Variants in SLC43A3 observed in about 807,000 individuals in gnomAD.
The protein encoded by SLC43A3 is equilibrative nucleobase transporter 1.
In SLC43A3, 33 loss-of-function variants were observed where a neutral mutation model predicts 53.3. The ratio of observed to expected loss-of-function variants is 0.62; its 90% CI spans 0.47 to 0.83. The LOEUF (loss-of-function observed/expected upper bound fraction) is 0.83, where lower values mean the gene tolerates loss of function less well. Among genes scored for constraint, SLC43A3 ranks in the 40% least tolerant of loss-of-function variants. The pLI, the probability that SLC43A3 is intolerant of heterozygous loss-of-function variation, is 0.00. For missense variants in SLC43A3, 530 were observed against 610.0 expected (o/e 0.87, Z 1.38); for synonymous variants, 236 against 246.2 (o/e 0.96, Z 0.39).
intron 13 of SLC43A3, chr11:57,408,763 T>C (rs921898889): frequency 1.7e-5 from 3 of 172,946 alleles, no homozygotes; most frequent in Admixed American, 1.6e-4. Flanking sequence ...TGAGCCTCAG[T>C]TTCTGCAAAG....
At chr11:57,415,155 G>C (rs1045794880) in intron 9 of SLC43A3, 49 bp from the exon 10 acceptor site, 1 of 1,585,948 alleles carries the variant, frequency 6.3e-7, no homozygotes, top group Non-Finnish European at 8.6e-7. Flanking sequence ...AAAGTGGACA[G>C]GTAGGATGGG....
intron 5 of SLC43A3, among the ~76,000 whole-genome samples, chr11:57,423,487 G>A (rs1284832000): frequency 1.3e-5 from 2 of 152,150 alleles, no homozygotes; most frequent in Non-Finnish European, 2.9e-5. Flanking sequence ...GGAGTGCAAT[G>A]GTGTGATCTT....
At chr11:57,424,596 T>G in intron 4 of SLC43A3, among the ~76,000 whole-genome samples, 1 of 149,310 alleles carries the variant, frequency 6.7e-6, no homozygotes, top group Non-Finnish European at 1.5e-5. Context: ...CATTTGGGGG[T>G]CTTGTAAGGC....
chr11:57,408,237 T>G (rs1044091072), intron 13 of SLC43A3: 3 of 212,136 alleles, frequency 1.4e-5, no homozygotes, highest in African/African-American at 6.9e-5. Flanking sequence ...TCACCTGATG[T>G]CACAATCAAG....
Position 57,426,070 on chromosome 11 carries a change from A to C in SLC43A3, c.103T>G (p.Phe35Val), listed in dbSNP as rs772132833. The change falls in exon 3 of 14, where the codon TTT (phenylalanine) becomes GTT (valine). Residue 35 changes from phenylalanine (F) to valine (V), a missense_variant. Phe to Val is a conservative substitution (Grantham distance 50, BLOSUM62 -1). This residue lies in a region of SLC43A3 where 30 missense variants were observed against 57.0 expected (regional missense o/e 0.53). Transcript: ENST00000395124. ...GVLFGWPSLVFVFKNEDYFKD... is the reference protein window; with the variant it reads ...GVLFGWPSLVVVFKNEDYFKD... Reference sequence around the variant, plus strand: ...AAGTAATCTTCATTCTTGAAGACAAACACTAGTGAAGGCCAGCCAAAGAGG... The same window carrying C: ...AAGTAATCTTCATTCTTGAAGACAACCACTAGTGAAGGCCAGCCAAAGAGG... The C allele has an allele frequency of 8.1e-6, 13 of 1,614,126 alleles. No homozygotes were observed. In the Admixed American group the frequency reaches 2.2e-4, roughly 27 times the overall value.
rs1942271851 is a variant in SLC43A3, at chr11:57,407,906, GAGC to G, written c.1372-13_1372-11del. 1 of 1,564,350 alleles carries G rather than the reference GAGC, an allele frequency of 6.4e-7. No individual in the cohort carries two copies. Among genetic ancestry groups the G allele is most frequent in the African/African-American group, 1.4e-5 (1 of 73,980 alleles). ...TGAACATCACATTCACCTGCAGGGAGAGCAGAAGTGAGGTGAAATCCAGGAATT... is the reference window on the plus strand; with the variant it reads ...TGAACATCACATTCACCTGCAGGGAGAGAAGTGAGGTGAAATCCAGGAATT... On this transcript the variant is annotated splice_polypyrimidine_tract_variant and intron_variant, in intron 13 of 13. Coordinates refer to ENST00000395124, the MANE Select transcript of SLC43A3 (RefSeq NM_199329.3).
chr11:57,418,338 TA>T (rs150075341), intron 7 of SLC43A3, among the ~76,000 whole-genome samples: 2,077 of 121,938 alleles, frequency 0.017, 44 homozygotes, highest in African/African-American at 0.052. Flanking sequence ...TGCCTCCAAA[TA>T]AAAAAAAAAA....
chr11:57,426,937 G>A (rs1943221206), intron 1 of SLC43A3, 125 bp downstream of exon 1: 1 of 151,216 alleles, frequency 6.6e-6, no homozygotes, highest in Non-Finnish European at 1.5e-5. Context: ...AAGCCTCCGG[G>A]GGCCGCTCCC....
chr11:57,425,878 C>T, intron 3 of SLC43A3, 111 bp downstream of exon 3: 1 of 1,358,312 alleles, frequency 7.4e-7, no homozygotes, highest in Non-Finnish European at 1.0e-6. Context: ...GCTGCTGACC[C>T]TTCCTCTCAT....
At chr11:57,424,989 C>A (rs1308502395) in intron 4 of SLC43A3, among the ~76,000 whole-genome samples, 1 of 152,144 alleles carries the variant, frequency 6.6e-6, no homozygotes, top group Non-Finnish European at 1.5e-5. Context: ...CACAGGAAAC[C>A]CCCCCAGTCT....
intron 11 of SLC43A3, among the ~76,000 whole-genome samples, chr11:57,414,068 C>G (rs374093902): frequency 6.6e-6 from 1 of 152,238 alleles, no homozygotes; most frequent in East Asian, 1.9e-4. Context: ...CCTTTCTCCA[C>G]CCTCTAGACT....
Position 57,409,286 on chromosome 11 carries a change from C to T in SLC43A3, c.1260G>A (p.Glu420=), listed in dbSNP as rs748321685. Residue 420 remains glutamate (E), a synonymous_variant, in exon 13 of 14, where the codon GAG becomes GAA. Transcript: ENST00000395124. ...CCAGCCCAAAGAGCTTGCCAAAGTG[C>T]TCTGAAGGGAAACTGGGGAGAGAAA... is the stretch of plus-strand genomic sequence containing the variant. The part of the protein sequence containing the change: ...AAFLTLAFPS[E]HFGKLFGLVM... 6.8e-6 allele frequency: 11 copies of T among 1,614,056 alleles called. No individual in the cohort carries two copies. Among genetic ancestry groups the T allele is most frequent in the Non-Finnish European group, 8.5e-6 (10 of 1,180,042 alleles).
intron 5 of SLC43A3, among the ~76,000 whole-genome samples, chr11:57,422,497 C>T (rs1565101848): frequency 6.6e-6 from 1 of 152,040 alleles, no homozygotes. Context: ...TGCGTGTGCC[C>T]CTAACATCCT....
Position 57,417,902 on chromosome 11 carries a change from G to A in SLC43A3, c.532-15C>T. 6.2e-7 allele frequency: 1 copy of A among 1,613,048 alleles called. No homozygotes were observed. Among genetic ancestry groups the A allele is most frequent in the Non-Finnish European group, 8.5e-7 (1 of 1,179,486 alleles). On this transcript the variant is annotated splice_polypyrimidine_tract_variant and intron_variant, in intron 7 of 13. Transcript: ENST00000395124. ...TCATAAAGAAGCTGCAGAAGGAGAA[G>A]GAAAAAGTCAGTGTCACACCCACGT...
chr11:57,425,642 T>TGAGAACC lies in SLC43A3; in HGVS notation c.206_212dup (p.Leu72ValfsTer24). 2 of 1,613,854 alleles carry TGAGAACC rather than the reference T, an allele frequency of 1.2e-6. No individual in the cohort carries two copies. Among genetic ancestry groups the TGAGAACC allele is most frequent in the Non-Finnish European group, 1.7e-6 (2 of 1,179,886 alleles). On this transcript the variant is annotated frameshift_variant, in exon 4 of 14. Transcript: ENST00000395124. LOFTEE classifies it high-confidence loss of function. The stretch of plus-strand genomic sequence containing the variant: ...TGAAGGACCCCAGGGTGAAGATGAG[T>TGAGAACC]GAGAACCTCTCATCCTGGGCTTTGC...
At chr11:57,417,997 TA>T (rs1489243532) in intron 7 of SLC43A3, 110 bp from the exon 8 acceptor site, 6 of 958,304 alleles carry the variant, frequency 6.3e-6, no homozygotes, top group African/African-American at 4.9e-5. Flanking sequence ...GATGAACAGC[TA>T]AACATAATGT....
rs771112594 is a variant in SLC43A3 at position 57,425,966 on chromosome 11, A to G, written c.184+23T>C. ...CGTGGGAGCCAGACTTAACTTCCTT[A>G]GAAAAGTCATCCCTGCCCTTACCAG... On this transcript the variant is annotated intron_variant, in intron 3 of 13. Coordinates refer to ENST00000395124, the MANE Select transcript of SLC43A3 (RefSeq NM_199329.3). 5.0e-6 allele frequency: 8 copies of G among 1,605,796 alleles called. No homozygotes were observed. In the East Asian group the frequency reaches 1.8e-4, roughly 36 times the overall value.
At position 57,409,232 on chromosome 11, in the gene SLC43A3, C is replaced by A. The variant is rs1220958125; in HGVS notation, c.1314G>T (p.Leu438=). 1 of 1,614,184 alleles carries A rather than the reference C, an allele frequency of 6.2e-7. No homozygotes were observed. The highest frequency in any genetic ancestry group is 1.1e-5 in the South Asian group (1 of 91,088). The change falls in exon 13 of 14, where the codon CTG becomes CTT. Residue 438 remains leucine, a synonymous_variant. Coordinates refer to ENST00000395124, the MANE Select transcript of SLC43A3 (RefSeq NM_199329.3). ...TGAGGGTGAAGATGGGGAACTGGAG[C>A]AGAGACACCACAGCCGACAAGGCCA... ...LVMALSAVVS[L]LQFPIFTLIK... is the part of the protein sequence containing the mutation.
At chr11:57,424,052 A>C in intron 4 of SLC43A3, 24 bp from the exon 5 acceptor site, 1 of 1,612,374 alleles carries the variant, frequency 6.2e-7, no homozygotes, top group Non-Finnish European at 8.5e-7. Context: ...CAGGAAAAGC[A>C]GAATATTGTC....
Sources: allele counts gnomAD v4.1 joint callset (sites outside exome capture counted in the v4.1 genomes callset), GRCh38; gene constraint gnomAD v4.1.1; regional missense constraint gnomAD v4.1.1; transcripts MANE v1.5; gene names NCBI Gene and HGNC (gene_info 2026-07-23, HGNC 2026-07-21).